The following NINJ2 variants were observed in gnomAD, a reference collection of about 807,000 sequenced individuals.
NINJ2 encodes the protein ninjurin 2, also known as ninjurin-2.
Under a neutral mutation model 11.7 loss-of-function variants are expected in NINJ2, and 12 were observed. The observed-to-expected ratio is 1.02, with a 90% CI of 0.66 to 1.66. The LOEUF is 1.66. Among genes scored for constraint, NINJ2 ranks in the 40% most tolerant of loss-of-function variants. NINJ2 has a pLI of 0.00. For synonymous variants in NINJ2, 93 were observed against 76.8 expected (o/e 1.21, Z -1.10); for missense variants, 187 against 181.8 (o/e 1.03, Z -0.16).
chr12:642,084 G>A (rs1948425741), intron 1 of NINJ2, among the ~76,000 whole-genome samples: 1 of 152,328 alleles, frequency 6.6e-6, no homozygotes, highest in East Asian at 1.9e-4. Context: ...TCCCGGTTGA[G>A]CCATTGACTA....
intron 1 of NINJ2, chr12:632,361 T>C (rs1948294637): frequency 6.6e-6 from 1 of 152,210 alleles, no homozygotes; most frequent in Admixed American, 6.5e-5. Flanking sequence ...AATTCCAGTG[T>C]CAGGAGTGTT....
Position 614,912 on chromosome 12 carries a change from G to A in NINJ2, c.33+48416C>T, listed in dbSNP as rs750101005. Among the ~76,000 whole-genome samples, 6 of 152,126 alleles carry A rather than the reference G, an allele frequency of 3.9e-5. No homozygotes were observed. Among genetic ancestry groups the A allele is most frequent in the Non-Finnish European group, 7.3e-5 (5 of 68,032 alleles). ...GACAAGGAAGCTGCTGGCTCATGGAGGCTGTGGTCCCGAGCTCAAAAGATG... is the reference window on the plus strand; with the variant it reads ...GACAAGGAAGCTGCTGGCTCATGGAAGCTGTGGTCCCGAGCTCAAAAGATG... On this transcript the variant is annotated intron_variant, in intron 1 of 3. Transcript: ENST00000305108. This position sits in a 1 kb window ranked among gnomAD's most constrained non-coding sequence, Gnocchi z 5.1.
At chr12:631,771 C>T (rs1407465640) in intron 1 of NINJ2, among the ~76,000 whole-genome samples, 1 of 152,130 alleles carries the variant, frequency 6.6e-6, no homozygotes, top group Admixed American at 6.5e-5. Context: ...TTGCTCCTCA[C>T]CCCATATTCA....
chr12:625,056 C>T (rs888830882), intron 1 of NINJ2, among the ~76,000 whole-genome samples: 7 of 142,448 alleles, frequency 4.9e-5, no homozygotes, highest in African/African-American at 1.3e-4. Flanking sequence ...TTGCAGTGAT[C>T]GTGCCACTGC....
At chr12:629,329 G>A (rs1201246916) in intron 1 of NINJ2, among the ~76,000 whole-genome samples, 2 of 152,190 alleles carry the variant, frequency 1.3e-5, no homozygotes, top group African/African-American at 2.4e-5. Flanking sequence ...ACAGGACTAG[G>A]AGCCTGGGAT....
In NINJ2 at chr12:633,438, TGCAGTGA is replaced by T. The variant is rs2120442508; in HGVS notation, c.33+29883_33+29889del. Among the ~76,000 whole-genome samples, 1 of 151,702 alleles carries T rather than the reference TGCAGTGA, an allele frequency of 6.6e-6. No homozygotes were observed. The highest frequency in any genetic ancestry group is 6.6e-5 in the Admixed American group (1 of 15,226). On this transcript the variant is annotated intron_variant, in intron 1 of 3. Coordinates refer to ENST00000305108, the MANE Select transcript of NINJ2 (RefSeq NM_016533.6). This position sits in a 1 kb window ranked among gnomAD's most constrained non-coding sequence, Gnocchi z 4.3. The stretch of plus-strand genomic sequence containing the variant: ...ACTGGTTCCACCAGGAGGTGGACGC[TGCAGTGA>T]GCCGAGATGGTGCCACTGCATTCCA...
chr12:611,382 G>T (rs36013318), intron 1 of NINJ2, among the ~76,000 whole-genome samples: 27,403 of 150,410 alleles, frequency 0.18, 2,592 homozygotes, highest in Middle Eastern at 0.34. Flanking sequence ...CTGTCACCCA[G>T]GCTGGAGTGC....
At chr12:608,448 A>C (rs1024293150) in intron 1 of NINJ2, among the ~76,000 whole-genome samples, 1 of 152,210 alleles carries the variant, frequency 6.6e-6, no homozygotes, top group Non-Finnish European at 1.5e-5. Flanking sequence ...TCTCACAGCA[A>C]CTTCATGAGG....
intron 1 of NINJ2, among the ~76,000 whole-genome samples, chr12:657,815 G>A (rs1446518075): frequency 1.3e-5 from 2 of 152,068 alleles, no homozygotes; most frequent in South Asian, 2.1e-4. Flanking sequence ...ATGAGAATGT[G>A]GAACACCTAT....
Position 566,102 on chromosome 12 carries a change from A to G in NINJ2, c.110T>C (p.Met37Thr), listed in dbSNP as rs749901093. Reference sequence around the variant, plus strand: ...GGACATGAACAGGGCCACGTCCAGCATGCTCTCCGCCACGCTCTTCTTGGT... The same window carrying G: ...GGACATGAACAGGGCCACGTCCAGCGTGCTCTCCGCCACGCTCTTCTTGGT... ...YATKKSVAES[M>T]LDVALFMSNA... The change falls in exon 2 of 4, where the codon ATG becomes ACG. Residue 37 changes from methionine (M) to threonine (T), a missense_variant. Transcript: ENST00000305108. The G allele has an allele frequency of 1.2e-6, 2 of 1,614,014 alleles. No homozygotes were observed. The highest frequency in any genetic ancestry group is 1.1e-5 in the South Asian group (1 of 91,068).
intron 1 of NINJ2, among the ~76,000 whole-genome samples, chr12:570,277 C>T (rs1056865772): frequency 2.6e-5 from 4 of 152,222 alleles, no homozygotes; most frequent in Non-Finnish European, 5.9e-5. Context: ...CTCATTGCAG[C>T]ATCTTTAAAA....
chr12:608,730 T>TCACC (rs10651759), intron 1 of NINJ2, among the ~76,000 whole-genome samples: 49,163 of 151,838 alleles, frequency 0.32, 8,728 homozygotes, highest in African/African-American at 0.47. Flanking sequence ...CTCAGCAATG[T>TCACC]GGTGAGGTGC....
Position 614,552 on chromosome 12 carries a change from C to T in NINJ2, c.34-48374G>A, listed in dbSNP as rs1045853175. 5.3e-5 allele frequency among the ~76,000 whole-genome samples: 8 copies of T among 151,938 alleles called. No individual in the cohort carries two copies. The highest frequency in any genetic ancestry group is 1.2e-4 in the Non-Finnish European group (8 of 68,020). On this transcript the variant is annotated intron_variant, in intron 1 of 3. Transcript: ENST00000305108. The surrounding 1 kb of genome is among the most constrained non-coding windows in gnomAD (Gnocchi z 5.1). ...TCCTGCCGGGCCTGGCTCCCTCCCT[C>T]TGTCTTCTTCCCCTTGCATTCCCTA...
intron 1 of NINJ2, among the ~76,000 whole-genome samples, chr12:569,044 A>G (rs887512): frequency 0.8 from 122,215 of 152,160 alleles, 49,379 homozygotes; most frequent in East Asian, 0.92. Context: ...TATCTCTCCC[A>G]TCTTCCTTCG....
chr12:597,915 G>A (rs573937841), intron 1 of NINJ2, among the ~76,000 whole-genome samples: 2 of 152,256 alleles, frequency 1.3e-5, no homozygotes, highest in Non-Finnish European at 2.9e-5. Flanking sequence ...CCTTGTTGAA[G>A]CCCTCTAGTA....
intron 1 of NINJ2, among the ~76,000 whole-genome samples, chr12:634,449 C>T (rs1273745988): frequency 6.6e-6 from 1 of 151,810 alleles, no homozygotes; most frequent in African/African-American, 2.4e-5. Flanking sequence ...TTAGTAGAGA[C>T]GGAATTTCAC....
chr12:648,190 C>T (rs1001292607), intron 1 of NINJ2, among the ~76,000 whole-genome samples: 2 of 152,214 alleles, frequency 1.3e-5, no homozygotes, highest in African/African-American at 4.8e-5. Context: ...TCTCCAGCCT[C>T]AGCCTCCCAA....
chr12:649,813 A>G (rs943837852), intron 1 of NINJ2, among the ~76,000 whole-genome samples: 21 of 151,998 alleles, frequency 1.4e-4, no homozygotes, highest in Admixed American at 3.9e-4. Context: ...ATGATTTTTA[A>G]AGGAAATTGA....
At chr12:601,463 G>T (rs1439316547) in intron 1 of NINJ2, among the ~76,000 whole-genome samples, 2 of 150,998 alleles carry the variant, frequency 1.3e-5, no homozygotes, top group African/African-American at 4.9e-5. Context: ...CAGGAGAATG[G>T]TGTGAACCTG....
Sources: allele counts gnomAD v4.1 joint callset (sites outside exome capture counted in the v4.1 genomes callset), GRCh38; gene constraint gnomAD v4.1.1; non-coding constraint Gnocchi (gnomAD v3.1); transcripts MANE v1.5; gene names NCBI Gene and HGNC (gene_info 2026-07-23, HGNC 2026-07-21).